Variants in P2RY12 observed in about 807,000 individuals in gnomAD.
P2RY12 encodes the protein purinergic receptor P2Y12.
Under a neutral mutation model 4.5 loss-of-function variants are expected in P2RY12, and 3 were observed. The observed-to-expected ratio is 0.67, with a 90% CI of 0.31 to 1.74. P2RY12 has a LOEUF of 1.74. P2RY12 is among the 40% of genes most tolerant of loss of function. P2RY12 has a pLI of 0.09. For missense variants in P2RY12, 356 were observed against 407.8 expected, an observed-to-expected ratio of 0.87 and a Z score of 1.09; for synonymous variants, 148 against 154.1, an observed-to-expected ratio of 0.96 and a Z score of 0.29.
At chr3:151,358,452 T>C (rs1754203600) in intron 1 of P2RY12, among the ~76,000 whole-genome samples, 1 of 152,150 alleles carries the variant, frequency 6.6e-6, no homozygotes, top group African/African-American at 2.4e-5. Context: ...TTAATAAAAA[T>C]CTTTCGAACT....
chr3:151,347,315 A>G (rs1207695168), intron 1 of P2RY12, among the ~76,000 whole-genome samples: 3 of 152,196 alleles, frequency 2.0e-5, no homozygotes, highest in South Asian at 2.1e-4. Flanking sequence ...TGTATTTAGT[A>G]TGTTCAACAA....
intron 1 of P2RY12, chr3:151,357,472 T>G: frequency 3.7e-6 from 4 of 1,076,652 alleles, no homozygotes; most frequent in Non-Finnish European, 5.1e-6. Context: ...ATAGTACTGA[T>G]ACCTGTTTTA....
intron 1 of P2RY12, among the ~76,000 whole-genome samples, chr3:151,352,586 G>C (rs902811729): frequency 6.6e-6 from 1 of 152,152 alleles, no homozygotes; most frequent in Non-Finnish European, 1.5e-5. Flanking sequence ...AACAGACCTT[G>C]TGTTAGCATG....
At position 151,376,655 on chromosome 3, in the gene P2RY12, A is replaced by G. The variant is rs185378549; in HGVS notation, c.-180+8037T>C. ...ATCGCTACTGAATATATATGCAGCA[A>G]GATTGGGAACCTTTTGACTCATATA... On this transcript the variant is annotated intron_variant, in intron 1 of 2. Transcript: ENST00000302632. 31 of 679,474 alleles carry G rather than the reference A, an allele frequency of 4.6e-5. No homozygotes were observed. The East Asian group carries it at 8.1e-4, about 18-fold the overall frequency. 42.1% of individuals were successfully genotyped at this position (679,474 alleles called of 1,614,324 possible).
intron 1 of P2RY12, chr3:151,365,833 T>A (rs1755209440): frequency 6.3e-7 from 1 of 1,590,662 alleles, no homozygotes; most frequent in Admixed American, 1.8e-5. Context: ...TTTCTGTGTC[T>A]TCTTTTTCTT....
At chr3:151,365,361 A>G (rs1249126459) in intron 1 of P2RY12, among the ~76,000 whole-genome samples, 1 of 152,172 alleles carries the variant, frequency 6.6e-6, no homozygotes, top group Non-Finnish European at 1.5e-5. Context: ...CCTCTGCACT[A>G]TCTTTTAATT....
chr3:151,378,260 C>A, intron 1 of P2RY12: 2 of 1,281,426 alleles, frequency 1.6e-6, no homozygotes, highest in Non-Finnish European at 2.1e-6. Context: ...GGTCACTGTA[C>A]CCACAGTCCA....
chr3:151,354,178 A>G (rs987081850), intron 1 of P2RY12, among the ~76,000 whole-genome samples: 5 of 149,034 alleles, frequency 3.4e-5, no homozygotes, highest in African/African-American at 9.8e-5. Context: ...TCACAGTGCT[A>G]GAAATGACAT....
rs754678426 is a variant in P2RY12, at chr3:151,338,409, A to C, written c.437T>G (p.Val146Gly). 1 of 1,614,136 alleles carries C rather than the reference A, an allele frequency of 6.2e-7. No homozygotes were observed. The highest frequency in any genetic ancestry group is 8.5e-7 in the Non-Finnish European group (1 of 1,180,008). The change falls in exon 3 of 3, where the codon GTT becomes GGT. Residue 146 changes from valine (V) to glycine (G), a missense_variant. Coordinates refer to ENST00000302632, the MANE Select transcript of P2RY12 (RefSeq NM_022788.5). The stretch of plus-strand genomic sequence containing the variant: ...TAAGAACATGAATGCCCAGATGACA[A>C]CAGAGAGAATCTTAGCCCCCAAGAG... ...KNLLGAKILS[V>G]VIWAFMFLLS...
intron 1 of P2RY12, chr3:151,384,097 C>G: frequency 1.2e-6 from 2 of 1,613,412 alleles, no homozygotes; most frequent in Non-Finnish European, 1.7e-6. Flanking sequence ...TTATTCACAA[C>G]AGTTCTTGAC....
intron 1 of P2RY12, among the ~76,000 whole-genome samples, chr3:151,370,830 C>A (rs1398053161): frequency 1.3e-5 from 2 of 152,184 alleles, no homozygotes; most frequent in African/African-American, 4.8e-5. Flanking sequence ...ATGCTAATGG[C>A]AGAAACCAAG....
At chr3:151,362,084 A>G (rs1164390302) in intron 1 of P2RY12, among the ~76,000 whole-genome samples, 5 of 151,916 alleles carry the variant, frequency 3.3e-5, no homozygotes, top group Non-Finnish European at 7.4e-5. Context: ...AAATTCTGTG[A>G]TCTCTGCCTT....
In P2RY12 at chr3:151,360,681, C is replaced by A. The variant is rs1242154118; in HGVS notation, c.-179-19921G>T. ...TTAGTGACCCTGACAATATTGTCAT[C>A]CTTTTGAATAATGAAAGCTAATTGC... On this transcript the variant is annotated intron_variant, in intron 1 of 2. Transcript: ENST00000302632. 10 of 1,340,280 alleles carry A rather than the reference C, an allele frequency of 7.5e-6. No individual in the cohort carries two copies. In the Admixed American group the frequency reaches 2.1e-4, roughly 28 times the overall value. The allele number at this position is 1,340,280 out of a possible 1,614,324, so 83.0% of individuals were successfully genotyped here. A position where few individuals can be genotyped will look rare whatever the true frequency, so the allele number is the denominator to read the frequency against.
At chr3:151,362,852 ATCTT>A (rs1397592678) in intron 1 of P2RY12, among the ~76,000 whole-genome samples, 1 of 152,186 alleles carries the variant, frequency 6.6e-6, no homozygotes, top group African/African-American at 2.4e-5. Flanking sequence ...CTTAGGAAAT[ATCTT>A]TCCACAGAAA....
At chr3:151,377,120 A>T (rs1379592137) in intron 1 of P2RY12, 1 of 1,614,062 alleles carries the variant, frequency 6.2e-7, no homozygotes, top group Admixed American at 1.7e-5. Context: ...CAACCCAAAC[A>T]GTATTGGAAG....
chr3:151,338,923 GT>G, intron 2 of P2RY12, 64 bp from the exon 3 acceptor site: 5 of 1,463,062 alleles, frequency 3.4e-6, no homozygotes, highest in Non-Finnish European at 4.7e-6. Flanking sequence ...TGTTATCTCT[GT>G]GTGTAACTTT....
intron 1 of P2RY12, among the ~76,000 whole-genome samples, chr3:151,368,688 T>TCA (rs1755727880): frequency 1.9e-4 from 9 of 46,754 alleles, no homozygotes; most frequent in Non-Finnish European, 3.5e-4. Context: ...TCATTTCATT[T>TCA]TATTTCATTT....
At chr3:151,372,623 A>G in intron 1 of P2RY12, 2 of 1,613,958 alleles carry the variant, frequency 1.2e-6, no homozygotes, top group Non-Finnish European at 8.5e-7. Flanking sequence ...TGACTTCACC[A>G]TGAGAGGTTT....
intron 1 of P2RY12, among the ~76,000 whole-genome samples, chr3:151,381,547 C>T (rs1271480336): frequency 4.7e-4 from 71 of 152,130 alleles, no homozygotes; most frequent in Non-Finnish European, 7.3e-5. Flanking sequence ...TCTTTTCTTC[C>T]CTTTAGGTGG....
Sources: gnomAD v4.1 joint callset for allele counts (sites outside exome capture counted in the v4.1 genomes callset) on GRCh38, gnomAD v4.1.1 for gene constraint, MANE v1.5 for transcripts, NCBI Gene and HGNC (gene_info 2026-07-23, HGNC 2026-07-21) for gene names.